HSPA4: variants seen among roughly 807,000 people sequenced by gnomAD.
HSPA4 encodes heat shock 70 kDa protein 4.
In HSPA4, 25 loss-of-function variants were observed where a neutral mutation model predicts 106.2. The ratio of observed to expected loss-of-function variants is 0.24; its 90% CI spans 0.17 to 0.33. The LOEUF (loss-of-function observed/expected upper bound fraction) is 0.33, where lower values mean the gene tolerates loss of function less well. Ranked by LOEUF, HSPA4 falls within the 10% of genes least tolerant of loss-of-function variation. The pLI is 1.00. For missense variants in HSPA4, 841 were observed against 996.0 expected (o/e 0.84, Z 2.10); for synonymous variants, 332 against 333.6 (o/e 1.00, Z 0.05).
At position 133,090,430 on chromosome 5, in the gene HSPA4, C is replaced by CAAAAAAA. The variant is rs56263518; in HGVS notation, c.1379-744_1379-738dup. Among the ~76,000 whole-genome samples, 13 of 54,880 alleles carry CAAAAAAA rather than the reference C, an allele frequency of 2.4e-4. 2 individuals are homozygous for CAAAAAAA. Among genetic ancestry groups the CAAAAAAA allele is most frequent in the African/African-American group, 8.5e-4 (11 of 13,000 alleles). 36.0% of individuals were successfully genotyped at this position (54,880 alleles called of 152,430 possible). On this transcript the variant is annotated intron_variant, in intron 11 of 18. Transcript: ENST00000304858. Reference sequence around the variant, plus strand: ...TAGGCGACAGAGCGAGACTCTGTCTCAAAAAAAAAAAAAAAAAAAAAAAAA... The same window carrying CAAAAAAA: ...TAGGCGACAGAGCGAGACTCTGTCTCAAAAAAAAAAAAAAAAAAAAAAAAAAAAAAAA...
At chr5:133,071,729 G>GAAAA (rs1384138917) in intron 4 of HSPA4, among the ~76,000 whole-genome samples, 3 of 152,202 alleles carry the variant, frequency 2.0e-5, no homozygotes, top group Non-Finnish European at 4.4e-5. Flanking sequence ...AGAGTCTGTT[G>GAAAA]CCTGGCGGAT....
rs770743438 is a variant in HSPA4, at chr5:133,076,905, A to T, written c.908+7A>T. On this transcript the variant is annotated splice_region_variant and intron_variant, in intron 7 of 18. Coordinates refer to ENST00000304858, the MANE Select transcript of HSPA4 (RefSeq NM_002154.4). ...TATCTGGAACTATGAATAGGTAAGT[A>T]TATTACTATTTCGATGTTAAAGTGA... 2 of 1,593,608 alleles carry T rather than the reference A, an allele frequency of 1.3e-6. No homozygotes were observed. Among genetic ancestry groups the T allele is most frequent in the Non-Finnish European group, 1.7e-6 (2 of 1,163,476 alleles).
chr5:133,068,765 GAAAT>G lies in HSPA4; in HGVS notation c.306+1212_306+1215del, dbSNP rs534734779. On this transcript the variant is annotated intron_variant, in intron 3 of 18. Coordinates refer to ENST00000304858, the MANE Select transcript of HSPA4 (RefSeq NM_002154.4). Reference sequence around the variant, plus strand: ...AATGTGCAATACTTATTAGAAATAAGAAATAAAGAAATAGGATAGGTATTGGCAG... The same window carrying G: ...AATGTGCAATACTTATTAGAAATAAGAAAGAAATAGGATAGGTATTGGCAG... Among the ~76,000 whole-genome samples, 7 of 151,584 alleles carry G rather than the reference GAAAT, an allele frequency of 4.6e-5. No homozygotes were observed. The South Asian group carries it at 6.2e-4, about 13-fold the overall frequency.
At chr5:133,063,593 G>A (rs941916992) in intron 1 of HSPA4, among the ~76,000 whole-genome samples, 3 of 151,904 alleles carry the variant, frequency 2.0e-5, no homozygotes, top group Admixed American at 6.6e-5. Flanking sequence ...ACCATGCCCA[G>A]CTAATTTTTT....
chr5:133,088,333 T>C lies in HSPA4; in HGVS notation c.986-71T>C. On this transcript the variant is annotated intron_variant, in intron 8 of 18. Coordinates refer to ENST00000304858, the MANE Select transcript of HSPA4 (RefSeq NM_002154.4). ...GAGGAGTTTTGTTACACATCTGAGTTATTTCATCATGGTAAGATGTTATTG... is the reference window on the plus strand; with the variant it reads ...GAGGAGTTTTGTTACACATCTGAGTCATTTCATCATGGTAAGATGTTATTG... 4.5e-6 allele frequency: 5 copies of C among 1,112,990 alleles called. 1 individual carries two copies. The South Asian group carries it at 6.9e-5, about 15-fold the overall frequency. The allele number at this position is 1,112,990 out of a possible 1,614,324, so 68.9% of individuals were successfully genotyped here.
chr5:133,096,814 G>A (rs568833982), intron 14 of HSPA4, among the ~76,000 whole-genome samples: 10 of 152,280 alleles, frequency 6.6e-5, no homozygotes, highest in East Asian at 3.9e-4. Flanking sequence ...TTTATACTGC[G>A]TGAATGAATT....
chr5:133,078,635 CAAAAA>C (rs57393822), intron 7 of HSPA4, among the ~76,000 whole-genome samples: 9 of 79,594 alleles, frequency 1.1e-4, no homozygotes, highest in African/African-American at 1.4e-4. Flanking sequence ...ACACTGTCTC[CAAAAA>C]AAAAAAAAAA....
At chr5:133,094,815 G>A (rs1035524925) in intron 13 of HSPA4, among the ~76,000 whole-genome samples, 2 of 152,314 alleles carry the variant, frequency 1.3e-5, no homozygotes, top group East Asian at 3.9e-4. Flanking sequence ...GGTGGGAAAT[G>A]ACATTAAGGT....
At chr5:133,103,450 G>A (rs954070856) in intron 17 of HSPA4, among the ~76,000 whole-genome samples, 6 of 151,278 alleles carry the variant, frequency 4.0e-5, no homozygotes, top group African/African-American at 1.5e-4. Flanking sequence ...CTCACTGCAA[G>A]CTCCGCCTCC....
chr5:133,070,349 A>G, intron 3 of HSPA4, 25 bp from the exon 4 acceptor site: 3 of 1,602,100 alleles, frequency 1.9e-6, no homozygotes, highest in South Asian at 2.2e-5. Flanking sequence ...TAATAAGTCT[A>G]GGCCCCTTTG....
chr5:133,085,165 C>T (rs575400616), intron 7 of HSPA4, among the ~76,000 whole-genome samples: 29 of 150,914 alleles, frequency 1.9e-4, no homozygotes, highest in African/African-American at 6.8e-4. Context: ...TTAGTATGTT[C>T]GTAGAGCTCA....
intron 5 of HSPA4, among the ~76,000 whole-genome samples, chr5:133,073,686 G>C (rs1241520449): frequency 6.6e-6 from 1 of 152,184 alleles, no homozygotes; most frequent in East Asian, 1.9e-4. Flanking sequence ...AACATGCGGG[G>C]ATGTTAACAT....
At chr5:133,070,256 T>A in intron 3 of HSPA4, 118 bp from the exon 4 acceptor site, 19 of 852,100 alleles carry the variant, frequency 2.2e-5, no homozygotes, top group Non-Finnish European at 3.2e-5. Context: ...TTTTTTTCAA[T>A]CCCCTCTTGA....
intron 3 of HSPA4, among the ~76,000 whole-genome samples, chr5:133,069,391 A>G (rs1472692593): frequency 6.6e-6 from 1 of 152,068 alleles, no homozygotes; most frequent in Non-Finnish European, 1.5e-5. Context: ...CTGGGATTAC[A>G]GGCATGGACC....
At chr5:133,093,094 G>A (rs1443707735) in intron 13 of HSPA4, among the ~76,000 whole-genome samples, 2 of 151,334 alleles carry the variant, frequency 1.3e-5, no homozygotes, top group African/African-American at 4.9e-5. Context: ...TCCTCCCAAA[G>A]TGCTAGTATT....
rs751899846 is a variant in HSPA4 at position 133,076,809 on chromosome 5, C to G, written c.819C>G (p.Leu273=). 2.5e-6 allele frequency: 4 copies of G among 1,613,666 alleles called. No individual in the cohort carries two copies. The highest frequency in any genetic ancestry group is 3.4e-6 in the Non-Finnish European group (4 of 1,179,684). ...GACTCTCTCAGGAGTGTGAGAAACT[C>G]AAGAAATTGATGAGTGCAAATGCTT... ...LLRLSQECEK[L]KKLMSANASD... Residue 273 remains leucine (L), a synonymous_variant, in exon 7 of 19, where the codon CTC becomes CTG. Transcript: ENST00000304858.
At chr5:133,065,340 TTAGGTGTTA>T (rs1173155073) in intron 2 of HSPA4, among the ~76,000 whole-genome samples, 1 of 152,180 alleles carries the variant, frequency 6.6e-6, no homozygotes, top group African/African-American at 2.4e-5. Context: ...TTACATTGTA[TTAGGTGTTA>T]TAAGTAATCT....
intron 9 of HSPA4, among the ~76,000 whole-genome samples, 185 bp from the exon 10 acceptor site, chr5:133,088,870 A>G (rs1765610968): frequency 6.6e-6 from 1 of 152,218 alleles, no homozygotes; most frequent in African/African-American, 2.4e-5. Flanking sequence ...AATAAGGAAT[A>G]GCTAGATTAT....
intron 3 of HSPA4, 33 bp from the exon 4 acceptor site, chr5:133,070,341 A>AT: frequency 1.3e-6 from 2 of 1,584,018 alleles, no homozygotes; most frequent in South Asian, 2.3e-5. Context: ...AAGAAATATA[A>AT]TAAGTCTAGG....
Sources: gnomAD v4.1 joint callset for allele counts (sites outside exome capture counted in the v4.1 genomes callset) on GRCh38, gnomAD v4.1.1 for gene constraint, MANE v1.5 for transcripts, NCBI Gene and HGNC (gene_info 2026-07-23, HGNC 2026-07-21) for gene names.